The following AMZ1 variants were observed in gnomAD, a reference collection of about 807,000 sequenced individuals.
AMZ1 encodes the protein archaemetzincin-1.
Under a neutral mutation model 29.9 loss-of-function variants are expected in AMZ1, and 39 were observed. That is an observed-to-expected ratio of 1.30 (90% CI 1.01 to 1.70). AMZ1 has a LOEUF of 1.70. AMZ1 is among the 40% of genes most tolerant of loss of function. The pLI, the probability that AMZ1 is intolerant of heterozygous loss-of-function variation, is 0.00. For missense variants in AMZ1, 1,041 were observed against 680.6 expected (o/e 1.53, Z -5.89); for synonymous variants, 458 against 304.0 (o/e 1.51, Z -5.27).
intron 1 of AMZ1, among the ~76,000 whole-genome samples, chr7:2,696,431 G>A (rs968934676): frequency 1.3e-5 from 2 of 150,366 alleles, no homozygotes; most frequent in Admixed American, 6.6e-5. Flanking sequence ...TAATTTTTTT[G>A]TATTTTTAGT....
In AMZ1 at chr7:2,731,506, A is replaced by G. The variant is rs1789893724; in HGVS notation, n.550+21690A>G. The stretch of plus-strand genomic sequence containing the variant: ...GTTGACGATGGTCTCGAAGATGTTC[A>G]TGGACTCCACCAGCCGGTTGGTGCG... On this transcript the variant is annotated intron_variant and non_coding_transcript_variant, in intron 4 of 4. Coordinates refer to the AMZ1 transcript ENST00000489665. The surrounding 1 kb of genome is among the most constrained non-coding windows in gnomAD (Gnocchi z 6.0). The G allele has an allele frequency of 6.2e-7, 1 of 1,613,410 alleles. No individual in the cohort carries two copies. The highest frequency in any genetic ancestry group is 8.5e-7 in the Non-Finnish European group (1 of 1,179,646).
rs1198545841 is a variant in AMZ1 at position 2,717,641 on chromosome 7, G to T, written c.*4763G>T. On this transcript the variant is annotated 3_prime_UTR_variant, in exon 7 of 7. Coordinates refer to ENST00000683327, the MANE Select transcript of AMZ1 (RefSeq NM_001384743.1). ...AGATAAACACCGCAGGGTAATCTAG[G>T]AAACACTTCCGGCTTGACTGTAAAG... Among the ~76,000 whole-genome samples, 1 of 152,214 alleles carries T rather than the reference G, an allele frequency of 6.6e-6. No homozygotes were observed. Among genetic ancestry groups the T allele is most frequent in the African/African-American group, 2.4e-5 (1 of 41,456 alleles).
Position 2,709,067 on chromosome 7 carries a change from C to G in AMZ1, c.602-8C>G, listed in dbSNP as rs560863383. 2.4e-5 allele frequency: 37 copies of G among 1,569,452 alleles called. No homozygotes were observed. The East Asian group carries it at 7.9e-4, about 34-fold the overall frequency. On this transcript the variant is annotated splice_polypyrimidine_tract_variant and splice_region_variant and intron_variant, in intron 4 of 6. Coordinates refer to ENST00000683327, the MANE Select transcript of AMZ1 (RefSeq NM_001384743.1). The stretch of plus-strand genomic sequence containing the variant: ...CCTGAGAGTGCCCTTCTCTCCATCT[C>G]TCTCCAGAAGTGGGCGTCTGCAGCT...
chr7:2,697,447 AG>A (rs1277453577), intron 1 of AMZ1, among the ~76,000 whole-genome samples: 3 of 151,786 alleles, frequency 2.0e-5, no homozygotes, highest in Non-Finnish European at 4.4e-5. Flanking sequence ...TTTTTGAGAC[AG>A]GGTCTCACTC....
upstream of AMZ1, chr7:2,762,760 C>T (rs1791623951): frequency 1.3e-6 from 2 of 1,550,028 alleles, no homozygotes; most frequent in Admixed American, 2.0e-5. Context: ...GCACCAGGCC[C>T]GTCCTTTCCA....
At chr7:2,708,495 CAGAGGA>C (rs1788505896) in intron 3 of AMZ1, 87 bp from the exon 4 acceptor site, 16 of 1,560,442 alleles carry the variant, frequency 1.0e-5, no homozygotes, top group East Asian at 4.6e-5. Flanking sequence ...AGGGCCCAGG[CAGAGGA>C]AGAGGATGAC....
intron 4 of AMZ1, among the ~76,000 whole-genome samples, chr7:2,734,564 TGTAAGGGATGGA>T (rs1289633890): frequency 1.3e-5 from 2 of 152,184 alleles, no homozygotes; most frequent in Non-Finnish European, 2.9e-5. Context: ...CTCGTGGCGT[TGTAAGGGATGGA>T]GAAAGGCGGC....
At chr7:2,708,066 GC>G (rs1264847664) in intron 3 of AMZ1, among the ~76,000 whole-genome samples, 2 of 151,906 alleles carry the variant, frequency 1.3e-5, no homozygotes, top group African/African-American at 4.8e-5. Flanking sequence ...CAGGTGATCT[GC>G]CCATCTTGGC....
intron 4 of AMZ1, among the ~76,000 whole-genome samples, chr7:2,753,607 G>T (rs1023609106): frequency 5.9e-5 from 9 of 152,126 alleles, no homozygotes; most frequent in African/African-American, 2.2e-4. Context: ...CATTTTGGTT[G>T]TTTCTGTATT....
At chr7:2,749,180 T>TA (rs571934692) in intron 4 of AMZ1, among the ~76,000 whole-genome samples, 14,006 of 152,204 alleles carry the variant, frequency 0.092, 827 homozygotes, top group South Asian at 0.15. Flanking sequence ...CAAAGGATTA[T>TA]AAATCATGCT....
Position 2,708,033 on chromosome 7 carries a change from G to T in AMZ1, c.473-555G>T, listed in dbSNP as rs1030049305. Among the ~76,000 whole-genome samples the T allele has an allele frequency of 1.6e-4, 25 of 152,156 alleles. No individual in the cohort carries two copies. The Middle Eastern group carries it at 0.014, about 83-fold the overall frequency. On this transcript the variant is annotated intron_variant, in intron 3 of 6. Transcript: ENST00000683327. ...AGATGGGGTTTTGTCATGTTGGCCAGGCTGGTCTCGAACTCCTGACCTCAG... is the reference window on the plus strand; with the variant it reads ...AGATGGGGTTTTGTCATGTTGGCCATGCTGGTCTCGAACTCCTGACCTCAG...
chr7:2,741,305 T>A (rs984981684), intron 4 of AMZ1, among the ~76,000 whole-genome samples: 4 of 149,506 alleles, frequency 2.7e-5, no homozygotes, highest in Non-Finnish European at 5.9e-5. Context: ...CAGTGAGCCA[T>A]GATTGCGCCA....
At position 2,716,725 on chromosome 7, in the gene AMZ1, C is replaced by T. The variant is rs1789143566; in HGVS notation, c.*3847C>T. 6.6e-6 allele frequency among the ~76,000 whole-genome samples: 1 copy of T among 152,248 alleles called. No homozygotes were observed. Among genetic ancestry groups the T allele is most frequent in the South Asian group, 2.1e-4 (1 of 4,838 alleles). On this transcript the variant is annotated 3_prime_UTR_variant, in exon 7 of 7. Transcript: ENST00000683327. ...CTGCCCTGCCCAAGGCCCACCTGGA[C>T]AGGCAAGTCTTCCCTAGTGGGTCAG... is the stretch of plus-strand genomic sequence containing the variant.
chr7:2,751,911 A>G (rs1042851637), intron 4 of AMZ1, among the ~76,000 whole-genome samples: 2 of 152,260 alleles, frequency 1.3e-5, no homozygotes, highest in East Asian at 3.8e-4. Flanking sequence ...AGATGACCTC[A>G]CTATCAAACA....
chr7:2,743,517 G>C (rs2115336031), intron 4 of AMZ1, among the ~76,000 whole-genome samples: 1 of 152,328 alleles, frequency 6.6e-6, no homozygotes, highest in Admixed American at 6.5e-5. Flanking sequence ...AAATGCTCAT[G>C]TTGAATAAAG....
At chr7:2,744,801 A>C (rs905463779) in intron 4 of AMZ1, among the ~76,000 whole-genome samples, 1 of 152,198 alleles carries the variant, frequency 6.6e-6, no homozygotes, top group Non-Finnish European at 1.5e-5. Flanking sequence ...TAACTAGAAT[A>C]ACCAATGCAG....
At position 2,712,347 on chromosome 7, in the gene AMZ1, T is replaced by C. The variant is rs1436405149; in HGVS notation, c.966T>C (p.Thr322=). The C allele has an allele frequency of 6.3e-7, 1 of 1,592,720 alleles. No individual in the cohort carries two copies. Among genetic ancestry groups the C allele is most frequent in the Non-Finnish European group, 8.6e-7 (1 of 1,169,110 alleles). ...CCTCTTAGAGACTCTACACCTGGAC[T>C]CAGGCGGTGGTGGGGACGTGGCCCA... ...IERYQRLYTW[T]QAVVGTWPSQ... The change falls in exon 7 of 7, where the codon ACT becomes ACC. Residue 322 remains threonine (T), a synonymous_variant. Transcript: ENST00000683327.
intron 4 of AMZ1, among the ~76,000 whole-genome samples, chr7:2,757,651 T>G (rs927117978): frequency 1.3e-5 from 2 of 152,226 alleles, no homozygotes; most frequent in African/African-American, 4.8e-5. Flanking sequence ...TCATTACATC[T>G]GTGCCGTTTT....
At position 2,709,256 on chromosome 7, in the gene AMZ1, C is replaced by T; in HGVS notation, c.771+12C>T. ...TTCAGTGCTGCAAGGTGGGTGGGGG[C>T]TCTGGGGCTGGTAAGAGGGGACAGG... On this transcript the variant is annotated intron_variant, in intron 5 of 6. Coordinates refer to ENST00000683327, the MANE Select transcript of AMZ1 (RefSeq NM_001384743.1). The T allele has an allele frequency of 6.7e-7, 1 of 1,488,416 alleles. No individual in the cohort carries two copies. The highest frequency in any genetic ancestry group is 1.4e-5 in the South Asian group (1 of 71,732). 92.2% of individuals were successfully genotyped at this position (1,488,416 alleles called of 1,614,324 possible).
Sources: allele counts gnomAD v4.1 joint callset (sites outside exome capture counted in the v4.1 genomes callset), GRCh38; gene constraint gnomAD v4.1.1; non-coding constraint Gnocchi (gnomAD v3.1); transcripts MANE v1.5; gene names NCBI Gene and HGNC (gene_info 2026-07-23, HGNC 2026-07-21).